The following TXNDC11 variants were observed in gnomAD, a reference collection of about 807,000 sequenced individuals.
The protein encoded by TXNDC11 is thioredoxin domain containing 11.
In TXNDC11, 68 loss-of-function variants were observed where a neutral mutation model predicts 78.0. That is an observed-to-expected ratio of 0.87 (90% CI 0.72 to 1.07). TXNDC11 has a LOEUF of 1.07. TXNDC11 is among the 50% of genes least tolerant of loss of function. TXNDC11 has a pLI of 0.00. For synonymous variants in TXNDC11, 571 were observed against 495.2 expected, an observed-to-expected ratio of 1.15 and a Z score of -2.03; for missense variants, 1,389 against 1,221.8, an observed-to-expected ratio of 1.14 and a Z score of -2.04.
chr16:11,717,584 G>A (rs2051569151), intron 5 of TXNDC11, among the ~76,000 whole-genome samples: 1 of 152,046 alleles, frequency 6.6e-6, no homozygotes, highest in South Asian at 2.1e-4. Flanking sequence ...CACTTTGGGA[G>A]GCCGAAGCGG....
At chr16:11,707,214 G>A (rs978408658) in intron 5 of TXNDC11, among the ~76,000 whole-genome samples, 5 of 152,046 alleles carry the variant, frequency 3.3e-5, no homozygotes, top group African/African-American at 1.2e-4. Flanking sequence ...ATCACCTGAG[G>A]TCAGGAGTTC....
intron 6 of TXNDC11, among the ~76,000 whole-genome samples, chr16:11,699,344 T>C (rs887526505): frequency 6.6e-6 from 1 of 152,200 alleles, no homozygotes; most frequent in Non-Finnish European, 1.5e-5. Flanking sequence ...TAAATATATG[T>C]AGGCTGTGTA....
intron 7 of TXNDC11, among the ~76,000 whole-genome samples, chr16:11,694,209 A>G (rs976383182): frequency 6.8e-6 from 1 of 147,732 alleles, no homozygotes; most frequent in Non-Finnish European, 1.5e-5. Flanking sequence ...TTCCAGGTTC[A>G]AGCAATTCTC....
chr16:11,717,649 G>A (rs748210970), intron 5 of TXNDC11, among the ~76,000 whole-genome samples: 12 of 149,954 alleles, frequency 8.0e-5, no homozygotes, highest in African/African-American at 2.5e-4. Context: ...GTGAAACCCC[G>A]TCTCTACTAA....
At chr16:11,720,710 C>T (rs939661919) in intron 5 of TXNDC11, among the ~76,000 whole-genome samples, 1 of 151,150 alleles carries the variant, frequency 6.6e-6, no homozygotes, top group Non-Finnish European at 1.5e-5. Flanking sequence ...AGCCACCGTG[C>T]CCGACATTCA....
At chr16:11,693,714 T>A (rs2050781594) in intron 7 of TXNDC11, among the ~76,000 whole-genome samples, 1 of 152,244 alleles carries the variant, frequency 6.6e-6, no homozygotes, top group African/African-American at 2.4e-5. Flanking sequence ...GATAGGCCAG[T>A]GCTTGAAATT....
intron 5 of TXNDC11, among the ~76,000 whole-genome samples, chr16:11,701,820 C>T (rs2051034542): frequency 6.6e-6 from 1 of 151,978 alleles, no homozygotes; most frequent in Non-Finnish European, 1.5e-5. Context: ...AAAGGCAAAA[C>T]GGCACAGCCA....
At chr16:11,721,555 C>T (rs2051707516) in intron 5 of TXNDC11, 22 bp downstream of exon 5, 1 of 1,372,070 alleles carries the variant, frequency 7.3e-7, no homozygotes, top group African/African-American at 1.4e-5. Flanking sequence ...GTAACAATGT[C>T]TTAATATGAA....
chr16:11,711,939 T>C (rs1387683789), intron 5 of TXNDC11, among the ~76,000 whole-genome samples: 3 of 152,212 alleles, frequency 2.0e-5, no homozygotes, highest in African/African-American at 7.2e-5. Context: ...CAACTGTATA[T>C]AAAAGGTGGC....
At chr16:11,702,092 G>GTGTATATATATATATATATATATATA (rs150869552) in intron 5 of TXNDC11, among the ~76,000 whole-genome samples, 17 of 144,354 alleles carry the variant, frequency 1.2e-4, no homozygotes, top group African/African-American at 4.3e-4. Flanking sequence ...GTATGTATGT[G>GTGTATATATATATATATATATATATA]TATATATATA....
chr16:11,681,981 T>A (rs1469773161), intron 11 of TXNDC11, among the ~76,000 whole-genome samples: 1 of 152,234 alleles, frequency 6.6e-6, no homozygotes, highest in Non-Finnish European at 1.5e-5. Flanking sequence ...TCCTCTGAAG[T>A]CATCAATGTT....
rs762033961 is a variant in TXNDC11 at position 11,679,617 on chromosome 16, G to C, written c.2455C>G (p.Arg819Gly). 2 of 1,614,148 alleles carry C rather than the reference G, an allele frequency of 1.2e-6. No homozygotes were observed. Among genetic ancestry groups the C allele is most frequent in the Admixed American group, 1.7e-5 (1 of 60,022 alleles). ...KLRAEISSLQ[R>G]AQVQVESQLS... ...TGGGACTCCACCTGCACTTGTGCTC[G>C]CTGGAGGCTGCTTATTTCTGCTCTC... The change falls in exon 12 of 12, where the codon CGA becomes GGA. Residue 819 changes from arginine to glycine, a missense_variant. By Grantham distance (125) the Arg-to-Gly change is moderately radical. Transcript: ENST00000283033. This position sits in a 1 kb window ranked among gnomAD's most constrained non-coding sequence, Gnocchi z 4.6.
chr16:11,721,709 G>GTCA lies in TXNDC11; in HGVS notation c.700-42_700-40dup, dbSNP rs754918264. Reference sequence around the variant, plus strand: ...AGCAGAATTAGGTAACTGAGGCACTGTCAGCCACAGTGTAATGGAGGATAT... The same window carrying GTCA: ...AGCAGAATTAGGTAACTGAGGCACTGTCATCAGCCACAGTGTAATGGAGGATAT... On this transcript the variant is annotated intron_variant, in intron 4 of 11. Transcript: ENST00000283033. 18 of 1,157,558 alleles carry GTCA rather than the reference G, an allele frequency of 1.6e-5. No homozygotes were observed. The East Asian group carries it at 2.6e-4, about 17-fold the overall frequency. The allele number at this position is 1,157,558 out of a possible 1,614,324, so 71.7% of individuals were successfully genotyped here.
chr16:11,720,035 G>A (rs1351844828), intron 5 of TXNDC11, among the ~76,000 whole-genome samples: 1 of 152,168 alleles, frequency 6.6e-6, no homozygotes, highest in East Asian at 1.9e-4. Context: ...CCAGGTGTGG[G>A]TGAAGGGGCG....
chr16:11,712,379 C>A (rs1458264653), intron 5 of TXNDC11, among the ~76,000 whole-genome samples: 1 of 152,132 alleles, frequency 6.6e-6, no homozygotes, highest in South Asian at 2.1e-4. Context: ...TCCCACCCCC[C>A]AGCACCCATC....
intron 11 of TXNDC11, among the ~76,000 whole-genome samples, chr16:11,682,240 T>C (rs1047575638): frequency 2.6e-5 from 4 of 152,262 alleles, no homozygotes; most frequent in African/African-American, 9.6e-5. Context: ...GACCAGCTCA[T>C]GATGAGCATA....
intron 1 of TXNDC11, among the ~76,000 whole-genome samples, chr16:11,737,400 G>T (rs191687508): frequency 6.6e-6 from 1 of 150,462 alleles, no homozygotes; most frequent in African/African-American, 2.5e-5. Context: ...AGCCGAGATT[G>T]CACCATTGCA....
chr16:11,691,551 T>A lies in TXNDC11; in HGVS notation c.1639A>T (p.Ser547Cys), dbSNP rs950120333. The change falls in exon 8 of 12, where the codon AGC (serine) becomes TGC (cysteine). Residue 547 changes from serine (S) to cysteine (C), a missense_variant. Physicochemically the swap from Ser to Cys is moderately radical, Grantham distance 112. Transcript: ENST00000283033. The part of the protein sequence containing the change: ...LEKKCEVDAP[S>C]SVPHIEENRY... Reference sequence around the variant, plus strand: ...TTCTCCTCAATGTGAGGAACGGAGCTTGGGGCATCAACCTCACATTTCTTC... The same window carrying A: ...TTCTCCTCAATGTGAGGAACGGAGCATGGGGCATCAACCTCACATTTCTTC... 1.2e-6 allele frequency: 2 copies of A among 1,614,136 alleles called. No homozygotes were observed. The highest frequency in any genetic ancestry group is 2.7e-5 in the African/African-American group (2 of 74,950).
intron 4 of TXNDC11, among the ~76,000 whole-genome samples, chr16:11,723,946 T>A (rs887243289): frequency 1.3e-5 from 2 of 152,212 alleles, no homozygotes; most frequent in African/African-American, 4.8e-5. Flanking sequence ...TTTGAAATAA[T>A]AATACTGTTA....
Sources: allele counts gnomAD v4.1 joint callset (sites outside exome capture counted in the v4.1 genomes callset), GRCh38; gene constraint gnomAD v4.1.1; non-coding constraint Gnocchi (gnomAD v3.1); transcripts MANE v1.5; gene names NCBI Gene and HGNC (gene_info 2026-07-23, HGNC 2026-07-21).